EP400: variants seen among roughly 807,000 people sequenced by gnomAD.
EP400 encodes E1A-binding protein p400.
In EP400, 105 loss-of-function variants were observed where a neutral mutation model predicts 354.1. The observed-to-expected ratio is 0.30, with a 90% CI of 0.25 to 0.35. The LOEUF (loss-of-function observed/expected upper bound fraction) is 0.35. EP400 is among the 10% of genes least tolerant of loss of function. The pLI, the probability that EP400 is intolerant of heterozygous loss-of-function variation, is 1.00. For missense variants in EP400, 3,280 were observed against 4,121.0 expected (o/e 0.80, Z 5.59); for synonymous variants, 1,646 against 1,716.9 (o/e 0.96, Z 1.02).
intron 45 of EP400, among the ~76,000 whole-genome samples, chr12:132,060,914 CAAA>C (rs11305330): frequency 9.1e-6 from 1 of 110,436 alleles, no homozygotes; most frequent in Non-Finnish European, 1.9e-5. Flanking sequence ...GACTCCGTCT[CAAA>C]AAAAAAAAAA....
intron 52 of EP400, among the ~76,000 whole-genome samples, chr12:132,076,998 T>C (rs1056056362): frequency 6.6e-6 from 1 of 152,272 alleles, no homozygotes; most frequent in African/African-American, 2.4e-5. Context: ...TTCACTGTTG[T>C]CACTGATGCT....
At chr12:132,036,864 G>C (rs1053891144) in intron 30 of EP400, among the ~76,000 whole-genome samples, 1 of 152,132 alleles carries the variant, frequency 6.6e-6, no homozygotes, top group Non-Finnish European at 1.5e-5. Flanking sequence ...CCTTTATCAC[G>C]TATTTAGTTC....
chr12:131,994,814 C>G lies in EP400; in HGVS notation c.2738-53C>G. ...AAGCCTTATAGTGTGTAATGAGTAA[C>G]AGACACTCAAGTGGTGTTGCCTCTC... is the stretch of plus-strand genomic sequence containing the variant. On this transcript the variant is annotated intron_variant, in intron 11 of 52. Coordinates refer to ENST00000389561, the MANE Select transcript of EP400 (RefSeq NM_015409.5). The surrounding 1 kb of genome is among the most constrained non-coding windows in gnomAD (Gnocchi z 4.6). 4 of 1,500,372 alleles carry G rather than the reference C, an allele frequency of 2.7e-6. No homozygotes were observed. In the South Asian group the frequency reaches 4.6e-5, roughly 17 times the overall value. The allele number at this position is 1,500,372 out of a possible 1,614,324, so 92.9% of individuals were successfully genotyped here.
intron 1 of EP400, among the ~76,000 whole-genome samples, chr12:131,958,542 A>G (rs1212182720): frequency 8.5e-5 from 13 of 152,352 alleles, no homozygotes; most frequent in Admixed American, 6.5e-4. Flanking sequence ...GACTTAGAAG[A>G]GCCTTATACG....
At chr12:132,032,621 A>T (rs1028035239) in intron 30 of EP400, among the ~76,000 whole-genome samples, 1 of 149,352 alleles carries the variant, frequency 6.7e-6, no homozygotes, top group Non-Finnish European at 1.5e-5. Flanking sequence ...AAAGAGAATT[A>T]GTTTTTTTTT....
In EP400 at chr12:132,017,015, G is replaced by T. The variant is rs965845297; in HGVS notation, c.3924-520G>T. Among the ~76,000 whole-genome samples, 1 of 152,162 alleles carries T rather than the reference G, an allele frequency of 6.6e-6. No homozygotes were observed. Among genetic ancestry groups the T allele is most frequent in the African/African-American group, 2.4e-5 (1 of 41,444 alleles). ...ACACCAGAGAGCTACTCCCCACCAT[G>T]GTCCCATTTCCTGCCCAGCCCTGGT... On this transcript the variant is annotated intron_variant, in intron 19 of 52. Transcript: ENST00000389561. This position sits in a 1 kb window ranked among gnomAD's most constrained non-coding sequence, Gnocchi z 5.0.
chr12:132,060,547 C>T (rs1895656672), intron 45 of EP400, among the ~76,000 whole-genome samples: 1 of 152,178 alleles, frequency 6.6e-6, no homozygotes, highest in Non-Finnish European at 1.5e-5. Flanking sequence ...AGGCCGGGAG[C>T]CAGCGGGGGT....
At position 132,005,057 on chromosome 12, in the gene EP400, C is replaced by T. The variant is rs1353679171; in HGVS notation, c.2828-20C>T. The T allele has an allele frequency of 2.6e-6, 4 of 1,549,692 alleles. No individual in the cohort carries two copies. The African/African-American group carries it at 4.1e-5, about 16-fold the overall frequency. The stretch of plus-strand genomic sequence containing the variant: ...TTGTTGTTATAAAGTAACAGCCCTT[C>T]TGCCCGCAACCCTCTGCAGCTGAGC... On this transcript the variant is annotated intron_variant, in intron 12 of 52. Coordinates refer to ENST00000389561, the MANE Select transcript of EP400 (RefSeq NM_015409.5).
chr12:132,025,812 G>T lies in EP400; in HGVS notation c.5014+8G>T. ...CACCCTTGACCCCACAAGGTAGGGT[G>T]CTCTGAGCAGGAGGGAGACTTGGCT... On this transcript the variant is annotated splice_region_variant and intron_variant, in intron 25 of 52. Coordinates refer to ENST00000389561, the MANE Select transcript of EP400 (RefSeq NM_015409.5). This position sits in a 1 kb window ranked among gnomAD's most constrained non-coding sequence, Gnocchi z 4.1. 6.3e-7 allele frequency: 1 copy of T among 1,584,094 alleles called. No individual in the cohort carries two copies. Among genetic ancestry groups the T allele is most frequent in the Non-Finnish European group, 8.6e-7 (1 of 1,167,788 alleles).
chr12:132,029,619 C>A lies in EP400; in HGVS notation c.5382-82C>A. 6.9e-7 allele frequency: 1 copy of A among 1,457,800 alleles called. No individual in the cohort carries two copies. Among genetic ancestry groups the A allele is most frequent in the Non-Finnish European group, 9.5e-7 (1 of 1,056,532 alleles). The allele number at this position is 1,457,800 out of a possible 1,614,324, so 90.3% of individuals were successfully genotyped here. On this transcript the variant is annotated intron_variant, in intron 27 of 52. Transcript: ENST00000389561. This position sits in a 1 kb window ranked among gnomAD's most constrained non-coding sequence, Gnocchi z 4.7. ...TCCTGGGACTTGGACTGTCAGAAGT[C>A]TGCCCCATCTTTCAGGAGCCCCCAT...
Position 132,005,073 on chromosome 12 carries a change from G to A in EP400, c.2828-4G>A, listed in dbSNP as rs762332588. 1.3e-6 allele frequency: 2 copies of A among 1,573,114 alleles called. No individual in the cohort carries two copies. Among genetic ancestry groups the A allele is most frequent in the Non-Finnish European group, 1.7e-6 (2 of 1,158,656 alleles). On this transcript the variant is annotated splice_polypyrimidine_tract_variant and splice_region_variant and intron_variant, in intron 12 of 52. Coordinates refer to ENST00000389561, the MANE Select transcript of EP400 (RefSeq NM_015409.5). ...ACAGCCCTTCTGCCCGCAACCCTCT[G>A]CAGCTGAGCTGCCCCTCCTGGACCT... is the stretch of plus-strand genomic sequence containing the variant.
rs60226464 is a variant in EP400 at position 132,058,353 on chromosome 12, A to ATTTTTTTTTTTTTTTTT, written c.7884+3148_7884+3164dup. On this transcript the variant is annotated intron_variant, in intron 45 of 52. Coordinates refer to ENST00000389561, the MANE Select transcript of EP400 (RefSeq NM_015409.5). The stretch of plus-strand genomic sequence containing the variant: ...CTTTGGATATTGGGCTAAAGATTGG[A>ATTTTTTTTTTTTTTTTT]TTTTTTTTTTTTTTTTTTTGAGACA... Among the ~76,000 whole-genome samples the ATTTTTTTTTTTTTTTTT allele has an allele frequency of 6.2e-5, 8 of 129,560 alleles. 1 individual carries two copies. Among genetic ancestry groups the ATTTTTTTTTTTTTTTTT allele is most frequent in the African/African-American group, 2.1e-4 (7 of 33,468 alleles). The allele number at this position is 129,560 out of a possible 152,430, so 85.0% of individuals were successfully genotyped here.
chr12:132,049,897 G>A (rs1895236741), intron 39 of EP400, among the ~76,000 whole-genome samples: 2 of 152,208 alleles, frequency 1.3e-5, no homozygotes, highest in African/African-American at 4.8e-5. Flanking sequence ...CACTGGGCAT[G>A]CGCCAGCCTC....
intron 15 of EP400, among the ~76,000 whole-genome samples, chr12:132,007,771 G>T (rs566877513): frequency 1.3e-5 from 2 of 152,176 alleles, no homozygotes; most frequent in African/African-American, 4.8e-5. Flanking sequence ...AGCTTTGAAC[G>T]TAAAGCTGGA....
intron 16 of EP400, among the ~76,000 whole-genome samples, chr12:132,012,761 A>G (rs549203608): frequency 5.1e-4 from 78 of 152,316 alleles, no homozygotes; most frequent in African/African-American, 1.8e-3. Flanking sequence ...TCCAAATGGT[A>G]ATTGTCAGCG....
rs1891865453 is a variant in EP400 at position 131,961,055 on chromosome 12, G to T, written c.436G>T (p.Ala146Ser). The change falls in exon 2 of 53, where the codon GCC (alanine) becomes TCC (serine). Residue 146 changes from alanine to serine, a missense_variant. Coordinates refer to ENST00000389561, the MANE Select transcript of EP400 (RefSeq NM_015409.5). ...PTQPSPGPGQALQNVRAGAPG... is the reference protein window; with the variant it reads ...PTQPSPGPGQSLQNVRAGAPG... ...GCAGCCCAGTCCGGGGCCGGGGCAG[G>T]CCTTGCAGAATGTGCGTGCAGGTGC... The T allele has an allele frequency of 1.3e-6, 2 of 1,581,342 alleles. No individual in the cohort carries two copies. Among genetic ancestry groups the T allele is most frequent in the African/African-American group, 1.3e-5 (1 of 74,340 alleles).
Position 131,994,473 on chromosome 12 carries a change from CAGGAGAGTCA to C in EP400, c.2738-385_2738-376del, listed in dbSNP as rs2136508200. ...GGCTTGGGTTGGTGATTGTGGAGGACAGGAGAGTCAAGGAGAGTGTTAGGCTGATGTGGCT... is the reference window on the plus strand; with the variant it reads ...GGCTTGGGTTGGTGATTGTGGAGGACAGGAGAGTGTTAGGCTGATGTGGCT... On this transcript the variant is annotated intron_variant, in intron 11 of 52. Transcript: ENST00000389561. This position sits in a 1 kb window ranked among gnomAD's most constrained non-coding sequence, Gnocchi z 4.6. Among the ~76,000 whole-genome samples, 1 of 152,060 alleles carries C rather than the reference CAGGAGAGTCA, an allele frequency of 6.6e-6. No homozygotes were observed. Among genetic ancestry groups the C allele is most frequent in the Non-Finnish European group, 1.5e-5 (1 of 67,972 alleles).
chr12:132,061,128 C>G (rs1347878570), intron 45 of EP400, among the ~76,000 whole-genome samples: 11 of 152,060 alleles, frequency 7.2e-5, no homozygotes. Context: ...AACATGCAAG[C>G]TGGGGAAGGG....
chr12:131,979,348 T>A (rs1454942030), intron 2 of EP400, among the ~76,000 whole-genome samples: 2 of 152,254 alleles, frequency 1.3e-5, no homozygotes, highest in Non-Finnish European at 2.9e-5. Flanking sequence ...GCAGTGTGAC[T>A]GATGAGTCGG....
Sources: allele counts gnomAD v4.1 joint callset (sites outside exome capture counted in the v4.1 genomes callset), GRCh38; gene constraint gnomAD v4.1.1; non-coding constraint Gnocchi (gnomAD v3.1); transcripts MANE v1.5; gene names NCBI Gene and HGNC (gene_info 2026-07-23, HGNC 2026-07-21).